Variants in FANCC observed in about 807,000 individuals in gnomAD.
FANCC encodes Fanconi anemia group C protein.
In FANCC, 55 loss-of-function variants were observed where a neutral mutation model predicts 71.3. The observed-to-expected ratio is 0.77, with a 90% CI of 0.62 to 0.97. The LOEUF (loss-of-function observed/expected upper bound fraction) is 0.97. Among genes scored for constraint, FANCC ranks in the 50% least tolerant of loss-of-function variants. The pLI is 0.00. For synonymous variants in FANCC, 275 were observed against 244.9 expected (o/e 1.12, Z -1.15); for missense variants, 678 against 670.9 (o/e 1.01, Z -0.12).
chr9:95,246,384 T>C (rs1830981031), intron 3 of FANCC, among the ~76,000 whole-genome samples: 4 of 152,352 alleles, frequency 2.6e-5, no homozygotes, highest in African/African-American at 9.6e-5. Flanking sequence ...ATAATGATTA[T>C]GACAACCTAT....
chr9:95,278,369 T>C (rs1278342844), intron 1 of FANCC, among the ~76,000 whole-genome samples: 2 of 152,232 alleles, frequency 1.3e-5, no homozygotes, highest in African/African-American at 4.8e-5. Context: ...TGAATTTTGC[T>C]CTTTTCCCAG....
intron 4 of FANCC, among the ~76,000 whole-genome samples, chr9:95,180,680 CA>C (rs1459104466): frequency 6.6e-6 from 1 of 151,146 alleles, no homozygotes; most frequent in Non-Finnish European, 1.5e-5. Flanking sequence ...TCTAAAATAA[CA>C]AAAAGTATAG....
intron 6 of FANCC, among the ~76,000 whole-genome samples, chr9:95,158,734 G>T (rs1415319127): frequency 1.3e-5 from 2 of 151,748 alleles, no homozygotes; most frequent in Non-Finnish European, 2.9e-5. Context: ...AACTTCCAGA[G>T]AGTATGTCTG....
intron 14 of FANCC, among the ~76,000 whole-genome samples, chr9:95,105,648 TC>T (rs2071385930): frequency 6.6e-6 from 1 of 152,124 alleles, no homozygotes; most frequent in Non-Finnish European, 1.5e-5. Context: ...CCACACTGAC[TC>T]CCCACCCTCT....
intron 7 of FANCC, chr9:95,145,195 T>C (rs182740721): frequency 2.0e-5 from 3 of 152,344 alleles, no homozygotes; most frequent in Admixed American, 2.0e-4. Context: ...ACAACGGTGG[T>C]TTTGAGCCTG....
intron 4 of FANCC, among the ~76,000 whole-genome samples, chr9:95,223,141 T>C (rs1017447145): frequency 2.8e-4 from 43 of 152,204 alleles, no homozygotes; most frequent in Non-Finnish European, 4.0e-4. Flanking sequence ...ATTTTAGAAA[T>C]TGTACTAGTT....
At chr9:95,257,924 A>G (rs960389948) in intron 1 of FANCC, among the ~76,000 whole-genome samples, 1 of 152,210 alleles carries the variant, frequency 6.6e-6, no homozygotes, top group African/African-American at 2.4e-5. Flanking sequence ...AAACTAGAAA[A>G]TCTAGAAGAA....
At chr9:95,195,115 T>C (rs1425301977) in intron 4 of FANCC, among the ~76,000 whole-genome samples, 1 of 147,902 alleles carries the variant, frequency 6.8e-6, no homozygotes, top group African/African-American at 2.6e-5. Flanking sequence ...AGAGAATCAC[T>C]TGAACCCGGG....
chr9:95,166,136 T>C (rs959604873), intron 6 of FANCC, among the ~76,000 whole-genome samples: 2 of 152,080 alleles, frequency 1.3e-5, no homozygotes, highest in African/African-American at 4.8e-5. Flanking sequence ...GAGTCTCTTG[T>C]AGCTAGAATA....
intron 1 of FANCC, among the ~76,000 whole-genome samples, chr9:95,287,075 G>C (rs1833735895): frequency 6.6e-6 from 1 of 151,980 alleles, no homozygotes; most frequent in Non-Finnish European, 1.5e-5. Context: ...ACAATTATAA[G>C]CACCGTAAAC....
chr9:95,306,450 C>T (rs759719190), intron 1 of FANCC, among the ~76,000 whole-genome samples: 4 of 152,098 alleles, frequency 2.6e-5, no homozygotes, highest in Non-Finnish European at 5.9e-5. Context: ...CGAAAGCCTG[C>T]GAAAGACTTG....
chr9:95,242,102 T>C (rs775979234), intron 3 of FANCC, among the ~76,000 whole-genome samples: 6 of 152,220 alleles, frequency 3.9e-5, no homozygotes, highest in Non-Finnish European at 7.3e-5. Context: ...TGAACATACA[T>C]AGCTTATGCT....
intron 1 of FANCC, among the ~76,000 whole-genome samples, chr9:95,265,979 T>C (rs1832359605): frequency 6.6e-6 from 1 of 152,180 alleles, no homozygotes; most frequent in African/African-American, 2.4e-5. Flanking sequence ...CAGCCCGGCA[T>C]GGAGGTGTCA....
At chr9:95,150,919 C>T (rs963774678) in intron 6 of FANCC, among the ~76,000 whole-genome samples, 2 of 152,188 alleles carry the variant, frequency 1.3e-5, no homozygotes, top group African/African-American at 4.8e-5. Flanking sequence ...TGTCACTATA[C>T]TGTCTACCAT....
At chr9:95,281,442 T>A (rs572013488) in intron 1 of FANCC, among the ~76,000 whole-genome samples, 69 of 152,024 alleles carry the variant, frequency 4.5e-4, no homozygotes, top group Non-Finnish European at 8.7e-4. Context: ...CTACCAAAGC[T>A]GTACTTCAGA....
chr9:95,236,141 C>G (rs77946722), intron 4 of FANCC, among the ~76,000 whole-genome samples: 2 of 152,078 alleles, frequency 1.3e-5, no homozygotes, highest in African/African-American at 4.8e-5. Flanking sequence ...GTTCCTGGTA[C>G]CCTGTTGTGT....
intron 4 of FANCC, among the ~76,000 whole-genome samples, chr9:95,188,909 T>C (rs1937010007): frequency 6.6e-6 from 1 of 152,290 alleles, no homozygotes; most frequent in Middle Eastern, 3.4e-3. Flanking sequence ...TGATTTTTAA[T>C]TAAAAAATTA....
chr9:95,281,620 G>A (rs1159310750), intron 1 of FANCC, among the ~76,000 whole-genome samples: 2 of 152,034 alleles, frequency 1.3e-5, no homozygotes, highest in Non-Finnish European at 2.9e-5. Flanking sequence ...ATAAAAGCAA[G>A]TACACAGTCA....
rs1192519980 is a variant in FANCC, at chr9:95,105,055, C to T, written c.1533+2011G>A. Among the ~76,000 whole-genome samples, 6 of 152,362 alleles carry T rather than the reference C, an allele frequency of 3.9e-5. No individual in the cohort carries two copies. In the South Asian group the frequency reaches 1.0e-3, roughly 26 times the overall value. Reference sequence around the variant, plus strand: ...CACAATAGATTCTCGAAAGCATTCTCGCTGTGCTGGGGCCGGGCCCAAAGA... The same window carrying T: ...CACAATAGATTCTCGAAAGCATTCTTGCTGTGCTGGGGCCGGGCCCAAAGA... On this transcript the variant is annotated intron_variant, in intron 14 of 14. Transcript: ENST00000289081.
Sources: allele counts gnomAD v4.1 joint callset (sites outside exome capture counted in the v4.1 genomes callset), GRCh38; gene constraint gnomAD v4.1.1; transcripts MANE v1.5; gene names NCBI Gene and HGNC (gene_info 2026-07-23, HGNC 2026-07-21).